The following SBF2 variants were observed in gnomAD, a reference collection of about 807,000 sequenced individuals.
The protein encoded by SBF2 is SET binding factor 2.
Under a neutral mutation model 225.2 loss-of-function variants are expected in SBF2, and 112 were observed. The ratio of observed to expected loss-of-function variants is 0.50; its 90% CI spans 0.43 to 0.58. The LOEUF is 0.58. Ranked by LOEUF, SBF2 falls within the 20% of genes least tolerant of loss-of-function variation. The pLI is 0.00. For missense variants in SBF2, 1,996 were observed against 2,206.2 expected (o/e 0.90, Z 1.91); for synonymous variants, 763 against 773.3 (o/e 0.99, Z 0.22).
At chr11:10,166,989 A>ACACACACACACACACACACACACAC in intron 2 of SBF2, among the ~76,000 whole-genome samples, 1 of 151,486 alleles carries the variant, frequency 6.6e-6, no homozygotes, top group East Asian at 2.0e-4. Context: ...ACACACACAC[A>ACACACACACACACACACACACACAC]AAAAGGCTAC....
At chr11:9,949,721 C>A (rs1334606206) in intron 16 of SBF2, among the ~76,000 whole-genome samples, 3 of 151,762 alleles carry the variant, frequency 2.0e-5, no homozygotes, top group African/African-American at 7.3e-5. Context: ...CTTTTTTTTC[C>A]TTTCTTTATA....
intron 1 of SBF2, among the ~76,000 whole-genome samples, chr11:10,277,624 T>C (rs545271991): frequency 6.6e-6 from 1 of 152,160 alleles, no homozygotes; most frequent in Non-Finnish European, 1.5e-5. Context: ...TTTGCAGATA[T>C]AGTTAAGGAT....
At chr11:10,219,653 C>A (rs537029733) in intron 1 of SBF2, among the ~76,000 whole-genome samples, 1 of 152,268 alleles carries the variant, frequency 6.6e-6, no homozygotes, top group Admixed American at 6.5e-5. Context: ...CTTGAATGCT[C>A]TGCCGCTTAG....
At chr11:9,958,879 G>T in intron 16 of SBF2, 1 of 676,702 alleles carries the variant, frequency 1.5e-6, no homozygotes, top group South Asian at 1.6e-5. Flanking sequence ...CAACAGTCTG[G>T]GGAATGTGTA....
intron 3 of SBF2, among the ~76,000 whole-genome samples, chr11:10,033,896 C>CATTGGA (rs1949349333): frequency 1.3e-5 from 2 of 152,174 alleles, no homozygotes; most frequent in South Asian, 4.1e-4. Flanking sequence ...GATTTTCACC[C>CATTGGA]ATTGGAAAGA....
intron 17 of SBF2, among the ~76,000 whole-genome samples, chr11:9,891,864 C>T (rs1448736447): frequency 6.6e-6 from 1 of 152,172 alleles, no homozygotes; most frequent in Non-Finnish European, 1.5e-5. Context: ...ACCTTGAACA[C>T]TCTGACACTA....
chr11:9,784,226 A>G (rs1368782119), intron 38 of SBF2, 125 bp downstream of exon 38: 8 of 760,916 alleles, frequency 1.1e-5, no homozygotes, highest in African/African-American at 3.5e-5. Flanking sequence ...TCCAGACTAC[A>G]TATGAGAGGC....
At chr11:10,072,041 CT>C (rs1950902166) in intron 2 of SBF2, among the ~76,000 whole-genome samples, 1 of 152,136 alleles carries the variant, frequency 6.6e-6, no homozygotes, top group Non-Finnish European at 1.5e-5. Flanking sequence ...TATGTGTTTC[CT>C]TCCAAATATT....
intron 21 of SBF2, 144 bp from the exon 22 acceptor site, chr11:9,850,362 C>A: frequency 1.3e-6 from 1 of 768,134 alleles, no homozygotes; most frequent in Non-Finnish European, 2.2e-6. Context: ...CTCAAAAGAT[C>A]CTCTGACCTC....
intron 1 of SBF2, among the ~76,000 whole-genome samples, chr11:10,252,788 T>G (rs546514111): frequency 1.3e-5 from 2 of 148,414 alleles, no homozygotes; most frequent in East Asian, 3.9e-4. Context: ...GCCACTGCAC[T>G]CCAGCCTGGG....
chr11:10,224,817 GTGT>G (rs148655430), intron 1 of SBF2, among the ~76,000 whole-genome samples: 3 of 152,122 alleles, frequency 2.0e-5, no homozygotes, highest in East Asian at 3.9e-4. Context: ...CTTAATTATG[GTGT>G]TGTTGTTTTG....
intron 1 of SBF2, among the ~76,000 whole-genome samples, chr11:10,210,829 G>A (rs1591221544): frequency 6.6e-6 from 1 of 151,748 alleles, no homozygotes; most frequent in Non-Finnish European, 1.5e-5. Context: ...CCTGGCCAAC[G>A]TGGTGAAACC....
At chr11:10,059,423 A>C (rs2059344357) in intron 2 of SBF2, among the ~76,000 whole-genome samples, 1 of 152,184 alleles carries the variant, frequency 6.6e-6, no homozygotes, top group African/African-American at 2.4e-5. Context: ...ATAGCAATAC[A>C]TAATGATAAA....
At chr11:9,984,604 G>C (rs1466071060) in intron 13 of SBF2, among the ~76,000 whole-genome samples, 1 of 152,126 alleles carries the variant, frequency 6.6e-6, no homozygotes, top group African/African-American at 2.4e-5. Flanking sequence ...ATTGCAAAAA[G>C]ATCTTCGCCT....
chr11:10,021,103 T>C (rs1015482806), intron 6 of SBF2, among the ~76,000 whole-genome samples: 2 of 152,156 alleles, frequency 1.3e-5, no homozygotes, highest in Admixed American at 6.5e-5. Flanking sequence ...TGATAGCTGA[T>C]GGCCCAGGAT....
At chr11:10,026,678 G>A (rs958768902) in intron 6 of SBF2, among the ~76,000 whole-genome samples, 1 of 152,156 alleles carries the variant, frequency 6.6e-6, no homozygotes, top group Non-Finnish European at 1.5e-5. Context: ...GTTGGGGGCT[G>A]TAGTAAGCTG....
intron 6 of SBF2, among the ~76,000 whole-genome samples, chr11:10,023,628 A>G (rs1948940851): frequency 6.6e-6 from 1 of 152,124 alleles, no homozygotes; most frequent in African/African-American, 2.4e-5. Flanking sequence ...CATATAATAT[A>G]CGGTTTTTGT....
chr11:9,876,822 C>A (rs906906011), intron 17 of SBF2, among the ~76,000 whole-genome samples: 1 of 152,134 alleles, frequency 6.6e-6, no homozygotes, highest in Non-Finnish European at 1.5e-5. Context: ...TCACTGCAAC[C>A]TCTGCCTCCT....
In SBF2 at chr11:9,852,134, T is replaced by C. The variant is rs191982265; in HGVS notation, c.2610+542A>G. On this transcript the variant is annotated intron_variant, in intron 21 of 39. Coordinates refer to ENST00000256190, the MANE Select transcript of SBF2 (RefSeq NM_030962.4). Reference sequence around the variant, plus strand: ...ATATAGGCAAGAGGGTCCTGAACCATAGTCTACTGGCGCCAGACTACAAAG... The same window carrying C: ...ATATAGGCAAGAGGGTCCTGAACCACAGTCTACTGGCGCCAGACTACAAAG... Among the ~76,000 whole-genome samples the C allele has an allele frequency of 2.1e-3, 315 of 152,344 alleles. 1 individual carries two copies. Among genetic ancestry groups the C allele is most frequent in the African/African-American group, 7.3e-3 (302 of 41,572 alleles).
Sources: gnomAD v4.1 joint callset for allele counts (sites outside exome capture counted in the v4.1 genomes callset) on GRCh38, gnomAD v4.1.1 for gene constraint, MANE v1.5 for transcripts, NCBI Gene and HGNC (gene_info 2026-07-23, HGNC 2026-07-21) for gene names.